TSC2: variants seen among roughly 807,000 people sequenced by gnomAD.
TSC2 encodes the protein TSC complex subunit 2, also known as tuberin.
A neutral mutation model predicts 202.2 loss-of-function variants in TSC2; 29 were observed. That is an observed-to-expected ratio of 0.14 (90% confidence interval 0.11 to 0.20). The LOEUF (loss-of-function observed/expected upper bound fraction) is 0.20, where lower values mean the gene tolerates loss of function less well. Among genes scored for constraint, TSC2 ranks in the 10% least tolerant of loss-of-function variants. The pLI is 1.00. For missense variants in TSC2, 2,429 were observed against 2,420.0 expected, an observed-to-expected ratio of 1.00 and a Z score of -0.08; for synonymous variants, 1,349 against 1,044.0, an observed-to-expected ratio of 1.29 and a Z score of -5.63.
rs769094940 is a variant in TSC2 at position 2,070,443 on chromosome 16, CCT to C, written c.1717-6_1717-5del. ...CCTCCTGCGCCGTGGTGAGCTGCGT[CCT>C]CTCTCTGCAGACCAAGCTGTACACC... is the stretch of plus-strand genomic sequence containing the variant. On this transcript the variant is annotated splice_polypyrimidine_tract_variant and intron_variant, in intron 16 of 41. Transcript: ENST00000219476. The C allele has an allele frequency of 2.0e-5, 33 of 1,613,222 alleles. No individual in the cohort carries two copies. Among genetic ancestry groups the C allele is most frequent in the South Asian group, 1.1e-5 (1 of 91,092 alleles).
chr16:2,048,269 C>T, intron 1 of TSC2: 1 of 1,238,872 alleles, frequency 8.1e-7, no homozygotes, highest in Non-Finnish European at 1.2e-6. Context: ...TCCTGCTTCA[C>T]ATGGGTAGAG....
At chr16:2,056,534 G>C (rs1018371812) in intron 7 of TSC2, 110 bp from the exon 8 acceptor site, 1 of 1,486,122 alleles carries the variant, frequency 6.7e-7, no homozygotes, top group Non-Finnish European at 9.0e-7. Context: ...CCATGGCAGC[G>C]GGGAGAGGTG....
chr16:2,052,551 C>G (rs759308283), intron 3 of TSC2, among the ~76,000 whole-genome samples: 6 of 152,074 alleles, frequency 3.9e-5, no homozygotes, highest in Non-Finnish European at 8.8e-5. Context: ...CTGACGTGAC[C>G]CTCTCCCCTC....
In TSC2 at chr16:2,074,355, C is replaced by T; in HGVS notation, c.2511C>T (p.Ala837=). The change falls in exon 22 of 42, where the codon GCC becomes GCT. Residue 837 remains alanine, a synonymous_variant. Transcript: ENST00000219476. The part of the protein sequence containing the change: ...VVKLTHISAT[A]SMAVPLLEFL... ...AGCTCACGCACATCTCAGCCACAGC[C>T]AGCATGGCCGTCCCACTGCTGGAGT... 2 of 1,612,332 alleles carry T rather than the reference C, an allele frequency of 1.2e-6. No homozygotes were observed. Among genetic ancestry groups the T allele is most frequent in the South Asian group, 1.1e-5 (1 of 91,078 alleles).
chr16:2,073,376 G>A (rs2088790845), intron 21 of TSC2, among the ~76,000 whole-genome samples: 3 of 152,230 alleles, frequency 2.0e-5, no homozygotes, highest in East Asian at 1.9e-4. Flanking sequence ...ATCAGGTGCC[G>A]GAAACTGTCC....
chr16:2,085,373 A>C, intron 36 of TSC2, 51 bp downstream of exon 36: 1 of 1,591,872 alleles, frequency 6.3e-7, no homozygotes, highest in South Asian at 1.1e-5. Flanking sequence ...GCTGGGCCTC[A>C]GCCTGCAGTG....
chr16:2,083,864 T>C (rs2090442223), intron 33 of TSC2, 48 bp downstream of exon 33: 3 of 1,586,696 alleles, frequency 1.9e-6, no homozygotes, highest in South Asian at 1.1e-5. Flanking sequence ...GGGGGCTCCT[T>C]AGGGGAGGCA....
intron 19 of TSC2, 48 bp from the exon 20 acceptor site, chr16:2,072,191 CTG>C (rs762621577): frequency 6.2e-7 from 1 of 1,612,300 alleles, no homozygotes; most frequent in South Asian, 1.1e-5. Context: ...GCTTCCGCCT[CTG>C]TCTCTAGGGT....
At chr16:2,074,774 G>A (rs142378952) in intron 22 of TSC2, 86 of 348,794 alleles carry the variant, frequency 2.5e-4, no homozygotes, top group Non-Finnish European at 3.9e-4. Context: ...CCGCCTGTGC[G>A]CATCTGGGCA....
intron 5 of TSC2, chr16:2,054,680 G>A (rs2085546384): frequency 1.7e-6 from 1 of 595,226 alleles, no homozygotes; most frequent in Non-Finnish European, 3.0e-6. Context: ...TCTGGGGCTT[G>A]GGGCCTCCGA....
rs1223688571 is a variant in TSC2 at position 2,082,464 on chromosome 16, C to T, written c.3843C>T (p.Ser1281=). 8.7e-6 allele frequency: 14 copies of T among 1,612,382 alleles called. No individual in the cohort carries two copies. The highest frequency in any genetic ancestry group is 3.3e-5 in the South Asian group (3 of 91,092). Residue 1281 remains serine (S), a synonymous_variant, in exon 32 of 42, where the codon TCC becomes TCT. Transcript: ENST00000219476. The part of the protein sequence containing the change: ...TVASFSSLYQ[S]SCQGQLHRSV... ...CCTCTTTCTCCTCCCTGTACCAGTC[C>T]AGCTGCCAAGGACAGCTGCACAGGA...
At chr16:2,082,666 G>A in intron 32 of TSC2, 162 bp downstream of exon 32, 1 of 797,406 alleles carries the variant, frequency 1.3e-6, no homozygotes, top group South Asian at 1.5e-5. Context: ...AATGTCTTTG[G>A]CTTGGCCAGC....
At chr16:2,054,179 G>C (rs2085481854) in intron 4 of TSC2, 117 bp from the exon 5 acceptor site, 2 of 1,534,240 alleles carry the variant, frequency 1.3e-6, no homozygotes, top group East Asian at 4.5e-5. Flanking sequence ...GGGCGCCTCT[G>C]TGGGAAGGAG....
Position 2,056,669 on chromosome 16 carries a change from T to C in TSC2, c.674T>C (p.Val225Ala), listed in dbSNP as rs1437259556. 9 of 1,612,094 alleles carry C rather than the reference T, an allele frequency of 5.6e-6. No homozygotes were observed. Among genetic ancestry groups the C allele is most frequent in the Non-Finnish European group, 6.8e-6 (8 of 1,180,008 alleles). ...GTCTCCCTGCAGGTGCTGGACGCCGTGGTCTGCTACAACTGCCTGCCGGCT... is the reference window on the plus strand; with the variant it reads ...GTCTCCCTGCAGGTGCTGGACGCCGCGGTCTGCTACAACTGCCTGCCGGCT... Reference protein sequence around the residue: ...IEVSLQVLDAVVCYNCLPAES... With the variant: ...IEVSLQVLDAAVCYNCLPAES... Residue 225 changes from valine to alanine, a missense_variant, in exon 8 of 42, where the codon GTG (valine) becomes GCG (alanine). Val to Ala is a moderately conservative substitution (Grantham distance 64). Transcript: ENST00000219476.
At chr16:2,062,827 T>G in intron 13 of TSC2, 145 bp from the exon 14 acceptor site, 1 of 1,010,346 alleles carries the variant, frequency 9.9e-7, no homozygotes, top group Non-Finnish European at 1.5e-6. Flanking sequence ...TCTGGAGAGA[T>G]GCTCCCTGGG....
In TSC2 at chr16:2,049,084, C is replaced by A. The variant is rs969744919; in HGVS notation, c.138+331C>A. On this transcript the variant is annotated intron_variant, in intron 2 of 41. Transcript: ENST00000219476. ...TGTGAGTTCCTGGGAGAAGTAGGTT[C>A]TTTATTTTATTTTTTTTTTGAGACT... 5.3e-5 allele frequency among the ~76,000 whole-genome samples: 8 copies of A among 150,924 alleles called. No homozygotes were observed. The East Asian group carries it at 1.5e-3, about 29-fold the overall frequency.
At chr16:2,062,080 A>G in intron 12 of TSC2, 72 bp downstream of exon 12, 1 of 1,600,576 alleles carries the variant, frequency 6.2e-7, no homozygotes, top group Non-Finnish European at 8.5e-7. Flanking sequence ...GGTGAAGTGC[A>G]GCTTTCTGAG....
In TSC2 at chr16:2,062,649, CTCTG is replaced by C. The variant is rs137854304; in HGVS notation, c.1361+54_1361+57del. On this transcript the variant is annotated intron_variant, in intron 13 of 41. Coordinates refer to ENST00000219476, the MANE Select transcript of TSC2 (RefSeq NM_000548.5). ...CCTGGCACCTGGAGCCTGGCCCTGT[CTCTG>C]TCTGGGGCCCACCCGGGCTGGGTCT... The C allele has an allele frequency of 3.7e-3, 5,662 of 1,547,758 alleles. 16 individuals are homozygous for C. Among genetic ancestry groups the C allele is most frequent in the Non-Finnish European group, 4.5e-3 (5,175 of 1,138,780 alleles).
Position 2,088,983 on chromosome 16 carries a change from C to T in TSC2, c.*373C>T. 3.4e-6 allele frequency: 1 copy of T among 295,306 alleles called. No individual in the cohort carries two copies. Among genetic ancestry groups the T allele is most frequent in the South Asian group, 3.6e-5 (1 of 27,504 alleles). The allele number at this position is 295,306 out of a possible 1,614,324, so 18.3% of individuals were successfully genotyped here. On this transcript the variant is annotated 3_prime_UTR_variant, in exon 42 of 42. Transcript: ENST00000219476. ...CTGGGGTCCTCTGACATGCCTAGTCCTGCTACTTGCCCAGACCTGATGCCA... is the reference window on the plus strand; with the variant it reads ...CTGGGGTCCTCTGACATGCCTAGTCTTGCTACTTGCCCAGACCTGATGCCA...
Sources: allele counts gnomAD v4.1 joint callset (sites outside exome capture counted in the v4.1 genomes callset), GRCh38; gene constraint gnomAD v4.1.1; transcripts MANE v1.5; gene names NCBI Gene and HGNC (gene_info 2026-07-23, HGNC 2026-07-21).